EGF: variants seen among roughly 807,000 people sequenced by gnomAD.
The protein encoded by EGF is pro-epidermal growth factor.
In EGF, 95 loss-of-function variants were observed where a neutral mutation model predicts 143.8. That is an observed-to-expected ratio of 0.66 (90% confidence interval 0.56 to 0.78). The LOEUF (loss-of-function observed/expected upper bound fraction) is 0.78, where lower values mean the gene tolerates loss of function less well. Among genes scored for constraint, EGF ranks in the 30% least tolerant of loss-of-function variants. The pLI is 0.00. For synonymous variants in EGF, 510 were observed against 510.5 expected, an observed-to-expected ratio of 1.00 and a Z score of 0.01; for missense variants, 1,320 against 1,470.9, an observed-to-expected ratio of 0.90 and a Z score of 1.68.
chr4:109,978,466 C>T (rs754958537), intron 13 of EGF, among the ~76,000 whole-genome samples: 1 of 151,990 alleles, frequency 6.6e-6, no homozygotes, highest in Non-Finnish European at 1.5e-5. Context: ...GACATTATGC[C>T]AAGTGAAATA....
chr4:109,981,355 T>C (rs1316128250), intron 15 of EGF, among the ~76,000 whole-genome samples: 1 of 152,242 alleles, frequency 6.6e-6, no homozygotes, highest in African/African-American at 2.4e-5. Flanking sequence ...TCTTATCACA[T>C]GACAGGTCTT....
At chr4:109,968,698 A>ATCTATCTATCTC in intron 10 of EGF, 1 of 425,310 alleles carries the variant, frequency 2.4e-6, no homozygotes, top group Non-Finnish European at 4.3e-6. Context: ...CTATCTATCT[A>ATCTATCTATCTC]TCTATCTATC....
At chr4:109,959,554 A>G (rs775056571) in intron 6 of EGF, 117 bp downstream of exon 6, 7 of 1,515,150 alleles carry the variant, frequency 4.6e-6, no homozygotes, top group East Asian at 2.3e-5. Context: ...TGGAAAACCA[A>G]CTTCAAGTCC....
Position 109,945,088 on chromosome 4 carries a change from A to G in EGF, c.753A>G (p.Ala251=), listed in dbSNP as rs1271767429. The part of the protein sequence containing the change: ...SKHPTQHNLF[A]MSLFGDRIFY... ...TGCTTTTTAGGCATAATTTGTTTGC[A>G]ATGTCCCTTTTTGGTGACCGTATCT... The change falls in exon 5 of 24, where the codon GCA becomes GCG. Residue 251 remains alanine, a synonymous_variant. Coordinates refer to ENST00000265171, the MANE Select transcript of EGF (RefSeq NM_001963.6). 7.4e-6 allele frequency: 12 copies of G among 1,614,100 alleles called. No homozygotes were observed. Among genetic ancestry groups the G allele is most frequent in the Non-Finnish European group, 1.0e-5 (12 of 1,180,046 alleles).
rs747112060 is a variant in EGF at position 110,011,323 on chromosome 4, C to T, written c.3492C>T (p.Ser1164=). 4.6e-5 allele frequency: 74 copies of T among 1,614,008 alleles called. No homozygotes were observed. Among genetic ancestry groups the T allele is most frequent in the Non-Finnish European group, 6.2e-5 (73 of 1,180,020 alleles). The change falls in exon 24 of 24, where the codon AGC becomes AGT. Residue 1164 remains serine, a synonymous_variant. Transcript: ENST00000265171. ...KGSCPQVMER[S]FHMPSYGTQT... ...CCTGTCCCCAGGTAATGGAGCGAAG[C>T]TTTCATATGCCCTCCTATGGGACAC...
In EGF at chr4:110,011,050, A is replaced by G. The variant is rs563189255; in HGVS notation, c.3371-152A>G. On this transcript the variant is annotated intron_variant, in intron 23 of 23. Coordinates refer to ENST00000265171, the MANE Select transcript of EGF (RefSeq NM_001963.6). ...GAGTGAGATGCTTATCAAAAAAAAAAAGAGAAAAAAATGTGTCTAGAGTAG... is the reference window on the plus strand; with the variant it reads ...GAGTGAGATGCTTATCAAAAAAAAAGAGAGAAAAAAATGTGTCTAGAGTAG... The G allele has an allele frequency of 3.5e-4, 313 of 893,772 alleles. 2 individuals carry two copies. Among genetic ancestry groups the G allele is most frequent in the Middle Eastern group, 3.4e-3 (10 of 2,942 alleles). 55.4% of individuals were successfully genotyped at this position (893,772 alleles called of 1,614,324 possible). A position where few individuals can be genotyped will look rare whatever the true frequency, so the allele number is the denominator to read the frequency against.
intron 9 of EGF, among the ~76,000 whole-genome samples, 178 bp from the exon 10 acceptor site, chr4:109,964,223 C>T (rs1746173322): frequency 6.6e-6 from 1 of 152,096 alleles, no homozygotes; most frequent in African/African-American, 2.4e-5. Context: ...CAATATGTCA[C>T]CTCCTGGAAG....
intron 1 of EGF, among the ~76,000 whole-genome samples, chr4:109,932,156 G>A (rs1344687844): frequency 1.3e-5 from 2 of 151,450 alleles, no homozygotes; most frequent in African/African-American, 4.9e-5. Context: ...TGATATATCT[G>A]TTTCTATGGC....
chr4:109,938,712 T>C (rs6533481), intron 1 of EGF, among the ~76,000 whole-genome samples: 58,520 of 152,028 alleles, frequency 0.38, 11,622 homozygotes, highest in East Asian at 0.5. Context: ...TGTGGATGTC[T>C]TTTCTGTTGA....
intron 1 of EGF, among the ~76,000 whole-genome samples, chr4:109,925,883 A>G (rs1309999775): frequency 6.6e-6 from 1 of 152,246 alleles, no homozygotes; most frequent in Non-Finnish European, 1.5e-5. Context: ...AGAGAACACC[A>G]CAGCCTTCAC....
intron 21 of EGF, among the ~76,000 whole-genome samples, chr4:110,001,054 A>G (rs1560765650): frequency 6.6e-6 from 1 of 152,246 alleles, no homozygotes; most frequent in Non-Finnish European, 1.5e-5. Flanking sequence ...AGATCCTGCT[A>G]TAGCCTAGTG....
chr4:109,942,512 C>T (rs1190477063), intron 2 of EGF, among the ~76,000 whole-genome samples: 3 of 152,164 alleles, frequency 2.0e-5, no homozygotes, highest in East Asian at 3.8e-4. Flanking sequence ...GGTAGCTGGA[C>T]GTCTGCCATG....
At chr4:110,008,369 G>A in intron 23 of EGF, 139 bp downstream of exon 23, 1 of 1,096,036 alleles carries the variant, frequency 9.1e-7, no homozygotes, top group Non-Finnish European at 1.4e-6. Context: ...GAATAGCTGG[G>A]CTGTATTGAA....
chr4:110,005,787 T>C (rs563179040), intron 22 of EGF, among the ~76,000 whole-genome samples: 15 of 152,204 alleles, frequency 9.9e-5, no homozygotes, highest in Admixed American at 3.3e-4. Flanking sequence ...GAGACTGGAA[T>C]ACATGGCAGG....
chr4:109,994,973 C>G, intron 20 of EGF, 93 bp downstream of exon 20: 1 of 1,537,004 alleles, frequency 6.5e-7, no homozygotes, highest in Non-Finnish European at 9.0e-7. Context: ...GGATGTTTTT[C>G]TGCAATTAGG....
chr4:109,980,219 CG>C (rs538970059), intron 14 of EGF, 80 bp downstream of exon 14: 47 of 1,374,996 alleles, frequency 3.4e-5, no homozygotes, highest in South Asian at 1.1e-4. Flanking sequence ...ATGCAGTTGG[CG>C]GGGGGGTGGA....
chr4:109,963,091 G>T, intron 8 of EGF, 82 bp from the exon 9 acceptor site: 26 of 1,438,994 alleles, frequency 1.8e-5, no homozygotes, highest in Non-Finnish European at 2.3e-5. Context: ...ATTAACAAAT[G>T]GTTGACTCGC....
chr4:109,968,300 G>T (rs999806889), intron 10 of EGF, among the ~76,000 whole-genome samples: 1 of 152,086 alleles, frequency 6.6e-6, no homozygotes, highest in Non-Finnish European at 1.5e-5. Flanking sequence ...TGAGAAAATT[G>T]AGGTTAAAGA....
At chr4:109,991,901 C>A (rs1750982803) in intron 18 of EGF, among the ~76,000 whole-genome samples, 1 of 151,930 alleles carries the variant, frequency 6.6e-6, no homozygotes, top group Non-Finnish European at 1.5e-5. Context: ...GCCTGTAATC[C>A]CAACACTCTG....
Sources: allele counts gnomAD v4.1 joint callset (sites outside exome capture counted in the v4.1 genomes callset), GRCh38; gene constraint gnomAD v4.1.1; transcripts MANE v1.5; gene names NCBI Gene and HGNC (gene_info 2026-07-23, HGNC 2026-07-21).